The following CDADC1 variants were observed in gnomAD, a reference collection of about 807,000 sequenced individuals.
CDADC1 encodes the protein dCTP deaminase.
A neutral mutation model predicts 54.9 loss-of-function variants in CDADC1; 39 were observed. The observed-to-expected ratio is 0.71, with a 90% CI of 0.55 to 0.93. CDADC1 has a LOEUF of 0.93. Among genes scored for constraint, CDADC1 ranks in the 40% least tolerant of loss-of-function variants. The pLI is 0.00. For missense variants in CDADC1, 518 were observed against 618.8 expected (o/e 0.84, Z 1.73); for synonymous variants, 186 against 204.0 (o/e 0.91, Z 0.75).
chr13:49,264,720 TAAAAA>T (rs34176559), intron 4 of CDADC1, among the ~76,000 whole-genome samples: 2 of 142,192 alleles, frequency 1.4e-5, no homozygotes, highest in Non-Finnish European at 3.1e-5. Flanking sequence ...GGTCTCTATT[TAAAAA>T]AAAAAAAAAA....
Position 49,259,361 on chromosome 13 carries a change from C to T in CDADC1, c.268C>T (p.Leu90Phe). ...TDKRQVKRTGLVVVKNMKIVG... is the reference protein window; with the variant it reads ...TDKRQVKRTGFVVVKNMKIVG... ...CTTAATGTAGGTAAAGAGAACTGGT[C>T]TTGTGGTGGTGAAAAACATGAAAAT... The change falls in exon 4 of 10, where the codon CTT (leucine) becomes TTT (phenylalanine). Residue 90 changes from leucine (L) to phenylalanine (F), a missense_variant. By Grantham distance (22) the Leu-to-Phe change is conservative. Transcript: ENST00000251108. 6.2e-7 allele frequency: 1 copy of T among 1,611,598 alleles called. No homozygotes were observed. Among genetic ancestry groups the T allele is most frequent in the Non-Finnish European group, 8.5e-7 (1 of 1,178,268 alleles).
chr13:49,274,490 C>T (rs1013217784), intron 6 of CDADC1, 150 bp downstream of exon 6: 7 of 464,144 alleles, frequency 1.5e-5, no homozygotes, highest in African/African-American at 1.0e-4. Context: ...AATGAAACCC[C>T]ATCTCTACTA....
chr13:49,287,581 A>G lies in CDADC1; in HGVS notation c.1471+1299A>G, dbSNP rs531330758. On this transcript the variant is annotated intron_variant, in intron 9 of 9. Coordinates refer to ENST00000251108, the MANE Select transcript of CDADC1 (RefSeq NM_030911.4). ...CTCAATGACAGTGTTTGAAGGGGCC[A>G]ATGAATAATTTCCTATGTTAGGGAA... 3.3e-5 allele frequency among the ~76,000 whole-genome samples: 5 copies of G among 152,322 alleles called. 1 individual carries two copies. In the South Asian group the frequency reaches 1.0e-3, roughly 32 times the overall value.
intron 2 of CDADC1, among the ~76,000 whole-genome samples, chr13:49,252,587 G>A (rs1952460126): frequency 6.6e-6 from 1 of 152,148 alleles, no homozygotes; most frequent in African/African-American, 2.4e-5. Flanking sequence ...TGTGGGGGAA[G>A]AATACAGAAT....
intron 4 of CDADC1, among the ~76,000 whole-genome samples, chr13:49,263,647 A>G (rs1273204752): frequency 6.6e-6 from 1 of 152,238 alleles, no homozygotes; most frequent in Non-Finnish European, 1.5e-5. Flanking sequence ...ACATATCTAT[A>G]TGAGGCCAGA....
chr13:49,272,306 C>T (rs926161214), intron 5 of CDADC1, among the ~76,000 whole-genome samples: 1 of 152,144 alleles, frequency 6.6e-6, no homozygotes, highest in Non-Finnish European at 1.5e-5. Context: ...ACTTCTGCCA[C>T]TTACCTTAGA....
At chr13:49,264,217 A>G (rs1436952434) in intron 4 of CDADC1, among the ~76,000 whole-genome samples, 1 of 152,202 alleles carries the variant, frequency 6.6e-6, no homozygotes, top group Non-Finnish European at 1.5e-5. Context: ...GTAATTCACA[A>G]TGGAAGTTTC....
chr13:49,260,443 G>A (rs1952651966), intron 4 of CDADC1, among the ~76,000 whole-genome samples: 1 of 152,208 alleles, frequency 6.6e-6, no homozygotes, highest in South Asian at 2.1e-4. Flanking sequence ...GAAAGAATGA[G>A]TAGAGAGGGT....
intron 4 of CDADC1, among the ~76,000 whole-genome samples, chr13:49,260,959 C>A (rs1593802384): frequency 6.6e-6 from 1 of 152,148 alleles, no homozygotes; most frequent in African/African-American, 2.4e-5. Flanking sequence ...AAGAGGAACA[C>A]ATTCCTGGTC....
intron 6 of CDADC1, among the ~76,000 whole-genome samples, chr13:49,275,722 TATATAGAGAGAG>T (rs1953104848): frequency 1.6e-4 from 3 of 19,248 alleles, no homozygotes; most frequent in Admixed American, 8.5e-4. Flanking sequence ...TATATATATA[TATATAGAGAGAG>T]AGAGAGAGAG....
At position 49,267,646 on chromosome 13, in the gene CDADC1, T is replaced by A; in HGVS notation, c.587T>A (p.Val196Glu). ...GTGTGTGTCTTACTTCAACCTTTGG[T>A]GTGTTATATGGTGCAGTTTGTAGAG... ...AHVCVLLQPL[V>E]CYMVQFVEET... Residue 196 changes from valine to glutamate, a missense_variant, in exon 5 of 10, where the codon GTG becomes GAG. By Grantham distance (121) the Val-to-Glu change is moderately radical. Coordinates refer to ENST00000251108, the MANE Select transcript of CDADC1 (RefSeq NM_030911.4). 1.9e-6 allele frequency: 3 copies of A among 1,614,208 alleles called. No homozygotes were observed. The highest frequency in any genetic ancestry group is 2.5e-6 in the Non-Finnish European group (3 of 1,180,036).
chr13:49,257,356 T>A (rs1195945284), intron 3 of CDADC1, among the ~76,000 whole-genome samples: 1 of 152,164 alleles, frequency 6.6e-6, no homozygotes, highest in African/African-American at 2.4e-5. Context: ...TCTGTTTAAC[T>A]AGGAAAATCT....
In CDADC1 at chr13:49,287,224, G is replaced by A. The variant is rs139585187; in HGVS notation, c.1471+942G>A. The stretch of plus-strand genomic sequence containing the variant: ...AAAATAAAACAGTAACTATATTATC[G>A]AATTATTTGGATTTGAAGTAAATGG... On this transcript the variant is annotated intron_variant, in intron 9 of 9. Coordinates refer to ENST00000251108, the MANE Select transcript of CDADC1 (RefSeq NM_030911.4). 1.4e-4 allele frequency among the ~76,000 whole-genome samples: 21 copies of A among 152,056 alleles called. No individual in the cohort carries two copies. The South Asian group carries it at 1.7e-3, about 12-fold the overall frequency.
chr13:49,287,480 A>ATCTG (rs1000935726), intron 9 of CDADC1, among the ~76,000 whole-genome samples: 1 of 139,078 alleles, frequency 7.2e-6, no homozygotes, highest in Admixed American at 7.3e-5. Context: ...CTATCTATCT[A>ATCTG]TCTATCTATC....
intron 2 of CDADC1, among the ~76,000 whole-genome samples, chr13:49,254,327 A>G (rs1192692223): frequency 6.6e-6 from 1 of 151,778 alleles, no homozygotes. Flanking sequence ...CACTTGTTTC[A>G]TAAGACTAGC....
chr13:49,288,411 A>G (rs146063054), intron 9 of CDADC1, among the ~76,000 whole-genome samples: 1 of 152,322 alleles, frequency 6.6e-6, no homozygotes, highest in East Asian at 1.9e-4. Context: ...ATAATTTCAG[A>G]ACATTTTCAT....
chr13:49,266,944 G>A (rs1042685321), intron 4 of CDADC1, among the ~76,000 whole-genome samples: 1 of 152,126 alleles, frequency 6.6e-6, no homozygotes, highest in Admixed American at 6.6e-5. Context: ...AGGACTCTTC[G>A]AGTATATAGT....
intron 6 of CDADC1, among the ~76,000 whole-genome samples, chr13:49,276,847 A>G (rs1953152431): frequency 6.6e-6 from 1 of 152,202 alleles, no homozygotes; most frequent in African/African-American, 2.4e-5. Flanking sequence ...AGCACCTAGC[A>G]TAGGTCTAAC....
In CDADC1 at chr13:49,267,607, ACAGT is replaced by A; in HGVS notation, c.550_553del (p.Ser184GlyfsTer19). Reference sequence around the variant, plus strand: ...AAAGCAGTGGAAAGATTGAAGTCAAACAGTCGGGCCCATGTGTGTGTCTTACTTC... The same window carrying A: ...AAAGCAGTGGAAAGATTGAAGTCAAACGGGCCCATGTGTGTGTCTTACTTC... On this transcript the variant is annotated frameshift_variant, in exon 5 of 10. Coordinates refer to ENST00000251108, the MANE Select transcript of CDADC1 (RefSeq NM_030911.4). LOFTEE classifies it high-confidence loss of function. The A allele has an allele frequency of 6.2e-7, 1 of 1,614,180 alleles. No individual in the cohort carries two copies. The highest frequency in any genetic ancestry group is 8.5e-7 in the Non-Finnish European group (1 of 1,180,008).
Sources: allele counts gnomAD v4.1 joint callset (sites outside exome capture counted in the v4.1 genomes callset), GRCh38; gene constraint gnomAD v4.1.1; transcripts MANE v1.5; gene names NCBI Gene and HGNC (gene_info 2026-07-23, HGNC 2026-07-21).